VPS8: variants seen among roughly 807,000 people sequenced by gnomAD.
VPS8 encodes VPS8 subunit of CORVET complex.
A neutral mutation model predicts 216.4 loss-of-function variants in VPS8; 129 were observed. That is an observed-to-expected ratio of 0.60 (90% CI 0.52 to 0.69). The LOEUF (loss-of-function observed/expected upper bound fraction) is 0.69. VPS8 is among the 30% of genes least tolerant of loss of function. The pLI, the probability that VPS8 is intolerant of heterozygous loss-of-function variation, is 0.00. For synonymous variants in VPS8, 571 were observed against 565.4 expected, an observed-to-expected ratio of 1.01 and a Z score of -0.14; for missense variants, 1,531 against 1,683.5, an observed-to-expected ratio of 0.91 and a Z score of 1.59.
intron 44 of VPS8, 26 bp downstream of exon 44, chr3:184,996,527 T>C: frequency 6.3e-7 from 1 of 1,588,214 alleles, no homozygotes; most frequent in South Asian, 1.2e-5. Flanking sequence ...AAATGTTACA[T>C]GTATGGTACA....
intron 34 of VPS8, among the ~76,000 whole-genome samples, chr3:184,934,147 C>T (rs1741189762): frequency 6.6e-6 from 1 of 151,698 alleles, no homozygotes; most frequent in South Asian, 2.1e-4. Context: ...GGGGAATTTC[C>T]ATCCTTTGTT....
In VPS8 at chr3:184,971,688, C is replaced by T; in HGVS notation, c.3356C>T (p.Thr1119Ile). 6.2e-7 allele frequency: 1 copy of T among 1,613,498 alleles called. No homozygotes were observed. Among genetic ancestry groups the T allele is most frequent in the Non-Finnish European group, 8.5e-7 (1 of 1,179,618 alleles). The change falls in exon 40 of 48, where the codon ACT becomes ATT. Residue 1119 changes from threonine (T) to isoleucine (I), a missense_variant. Transcript: ENST00000625842. ...EDPSLKDVED[T>I]MVETIALCQR... ...CCCTCATTGAAGGATGTTGAAGATA[C>T]TATGGTGGAGACCATTGCTCTTTGC...
chr3:184,924,883 T>G lies in VPS8; in HGVS notation c.2476T>G (p.Phe826Val), dbSNP rs1219662885. The change falls in exon 30 of 48, where the codon TTT becomes GTT. Residue 826 changes from phenylalanine (F) to valine (V), a missense_variant. Coordinates refer to ENST00000625842, the MANE Select transcript of VPS8 (RefSeq NM_001009921.3). Reference sequence around the variant, plus strand: ...TCAGGTTATGGTGGAGAATTCAGACTTTACCCCCTCACAAGTAGGATGTCT... The same window carrying G: ...TCAGGTTATGGTGGAGAATTCAGACGTTACCCCCTCACAAGTAGGATGTCT... ...LLKVMVENSD[F>V]TPSQVGCLFT... The G allele has an allele frequency of 8.1e-6, 13 of 1,613,186 alleles. No individual in the cohort carries two copies. Among genetic ancestry groups the G allele is most frequent in the East Asian group, 2.2e-5 (1 of 44,838 alleles).
chr3:184,944,628 A>C, intron 36 of VPS8: 1 of 972,458 alleles, frequency 1.0e-6, no homozygotes, highest in South Asian at 4.8e-5. Context: ...CCTCAGTATG[A>C]TTTTCCTGGT....
At chr3:184,984,508 G>T (rs905760162) in intron 42 of VPS8, among the ~76,000 whole-genome samples, 3 of 151,792 alleles carry the variant, frequency 2.0e-5, no homozygotes, top group African/African-American at 7.3e-5. Context: ...GGTCAGGCTG[G>T]TCTCAAACTC....
rs752682918 is a variant in VPS8, at chr3:184,853,961, A to G, written c.926A>G (p.Asp309Gly). Residue 309 changes from aspartate (D) to glycine (G), a missense_variant, in exon 12 of 48, where the codon GAT becomes GGT. By Grantham distance (94) the Asp-to-Gly change is moderately conservative. Transcript: ENST00000625842. The stretch of plus-strand genomic sequence containing the variant: ...CTGCATTCTAAGCCTGAGTTGAAAG[A>G]TCATCCCATCACACAGTTTTCATTA... ...EPLHSKPELK[D>G]HPITQFSLLA... is the part of the protein sequence containing the mutation. 1.9e-6 allele frequency: 3 copies of G among 1,613,584 alleles called. No homozygotes were observed. Among genetic ancestry groups the G allele is most frequent in the Non-Finnish European group, 2.5e-6 (3 of 1,179,764 alleles).
intron 21 of VPS8, among the ~76,000 whole-genome samples, chr3:184,875,001 A>G (rs990123847): frequency 6.7e-6 from 1 of 149,024 alleles, no homozygotes; most frequent in African/African-American, 2.5e-5. Context: ...ATCTCTTATT[A>G]TGGAATGTAT....
At chr3:184,860,117 A>T in intron 15 of VPS8, 52 bp downstream of exon 15, 1 of 1,388,246 alleles carries the variant, frequency 7.2e-7, no homozygotes, top group Non-Finnish European at 1.0e-6. Context: ...AATTGTTCTG[A>T]ATCTATGATA....
At chr3:184,913,429 A>G (rs1267550603) in intron 25 of VPS8, 90 bp from the exon 26 acceptor site, 59 of 1,184,924 alleles carry the variant, frequency 5.0e-5, no homozygotes, top group Admixed American at 9.3e-5. Context: ...CTTAAATGCC[A>G]AGTTTTATTT....
At chr3:184,966,763 T>C in intron 39 of VPS8, 50 bp downstream of exon 39, 1 of 1,361,006 alleles carries the variant, frequency 7.3e-7, no homozygotes, top group Non-Finnish European at 1.0e-6. Context: ...GACCCCATGT[T>C]TTAAAAGATG....
intron 31 of VPS8, among the ~76,000 whole-genome samples, chr3:184,927,789 ACCTTAGGTCCCT>A (rs1739936926): frequency 6.6e-6 from 1 of 152,058 alleles, no homozygotes; most frequent in Non-Finnish European, 1.5e-5. Flanking sequence ...GAATTTTACT[ACCTTAGGTCCCT>A]CACGTAAGTG....
At chr3:184,911,187 A>G (rs922795721) in intron 25 of VPS8, among the ~76,000 whole-genome samples, 1 of 152,246 alleles carries the variant, frequency 6.6e-6, no homozygotes, top group South Asian at 2.1e-4. Context: ...AGTTCATTTC[A>G]GCATACAATT....
Position 185,017,257 on chromosome 3 carries a change from G to T in VPS8, c.4003-7079G>T, listed in dbSNP as rs566345762. On this transcript the variant is annotated intron_variant, in intron 45 of 47. Transcript: ENST00000625842. ...TTACCAACTCCAGCTATGTTAAATTGAGCAGGTTGAATTGGCCACGTGGAC... is the reference window on the plus strand; with the variant it reads ...TTACCAACTCCAGCTATGTTAAATTTAGCAGGTTGAATTGGCCACGTGGAC... 2.0e-5 allele frequency among the ~76,000 whole-genome samples: 3 copies of T among 152,216 alleles called. No homozygotes were observed. The East Asian group carries it at 5.8e-4, about 30-fold the overall frequency.
At chr3:184,944,058 CACACAA>C (rs747184541) in intron 36 of VPS8, among the ~76,000 whole-genome samples, 2 of 148,738 alleles carry the variant, frequency 1.3e-5, no homozygotes, top group Admixed American at 6.6e-5. Context: ...CACACACACA[CACACAA>C]ACAAACATTT....
chr3:184,981,914 A>T (rs554297018), intron 40 of VPS8, among the ~76,000 whole-genome samples: 117 of 152,058 alleles, frequency 7.7e-4, no homozygotes, highest in Admixed American at 5.5e-3. Flanking sequence ...GCAAAAATGT[A>T]AATGTAAAGC....
rs918443578 is a variant in VPS8, at chr3:184,964,563, A to G, written c.3273+6A>G. The G allele has an allele frequency of 1.0e-4, 147 of 1,456,520 alleles. No individual in the cohort carries two copies. Among genetic ancestry groups the G allele is most frequent in the Admixed American group, 2.2e-4 (10 of 44,676 alleles). The allele number at this position is 1,456,520 out of a possible 1,614,324, so 90.2% of individuals were successfully genotyped here. ...CCTTCCTAATAATGTTAGAGGTAACACTTTACTATGTTTCTTTCATCATAT... is the reference window on the plus strand; with the variant it reads ...CCTTCCTAATAATGTTAGAGGTAACGCTTTACTATGTTTCTTTCATCATAT... On this transcript the variant is annotated splice_donor_region_variant and intron_variant, in intron 38 of 47. Coordinates refer to ENST00000625842, the MANE Select transcript of VPS8 (RefSeq NM_001009921.3).
intron 15 of VPS8, among the ~76,000 whole-genome samples, chr3:184,860,799 G>A (rs1663962266): frequency 6.6e-6 from 1 of 150,478 alleles, no homozygotes; most frequent in African/African-American, 2.4e-5. Flanking sequence ...TTTCTACCAT[G>A]CATCTCAATC....
intron 16 of VPS8, among the ~76,000 whole-genome samples, chr3:184,863,665 T>G (rs1726804311): frequency 6.6e-6 from 1 of 152,224 alleles, no homozygotes; most frequent in Non-Finnish European, 1.5e-5. Flanking sequence ...ACTACAGTAA[T>G]GGCCTTAAGC....
At chr3:184,897,002 AAG>A (rs1190169059) in intron 23 of VPS8, among the ~76,000 whole-genome samples, 3 of 152,236 alleles carry the variant, frequency 2.0e-5, no homozygotes, top group Admixed American at 1.3e-4. Context: ...TTTAAAAAAA[AAG>A]GATTTTTGTC....
Sources: allele counts gnomAD v4.1 joint callset (sites outside exome capture counted in the v4.1 genomes callset), GRCh38; gene constraint gnomAD v4.1.1; transcripts MANE v1.5; gene names NCBI Gene and HGNC (gene_info 2026-07-23, HGNC 2026-07-21).